VPS13B: variants seen among roughly 807,000 people sequenced by gnomAD.
VPS13B encodes the protein vacuolar protein sorting 13 homolog B, also known as intermembrane lipid transfer protein VPS13B.
Under a neutral mutation model 426.4 loss-of-function variants are expected in VPS13B, and 285 were observed. The observed-to-expected ratio is 0.67, with a 90% confidence interval of 0.61 to 0.74. VPS13B has a LOEUF of 0.74. VPS13B is among the 30% of genes least tolerant of loss of function. The pLI is 0.00. For synonymous variants in VPS13B, 1,676 were observed against 1,676.4 expected, an observed-to-expected ratio of 1.00 and a Z score of 0.01; for missense variants, 4,537 against 4,782.6, an observed-to-expected ratio of 0.95 and a Z score of 1.51.
chr8:99,489,426 C>T (rs1484164785), intron 25 of VPS13B, among the ~76,000 whole-genome samples: 3 of 150,712 alleles, frequency 2.0e-5, no homozygotes, highest in African/African-American at 7.3e-5. Context: ...GTAGTTTTTT[C>T]CAATGCTGTG....
chr8:99,426,254 A>C (rs1481159404), intron 21 of VPS13B, among the ~76,000 whole-genome samples: 3 of 120,546 alleles, frequency 2.5e-5, no homozygotes, highest in Non-Finnish European at 5.1e-5. Flanking sequence ...ATCATTTTTT[A>C]TGGCTGCATA....
intron 12 of VPS13B, among the ~76,000 whole-genome samples, chr8:99,141,144 C>G (rs1232552144): frequency 6.6e-6 from 1 of 152,148 alleles, no homozygotes; most frequent in Non-Finnish European, 1.5e-5. Flanking sequence ...AGAGTCTTGA[C>G]TCTTAATAAG....
chr8:99,050,673 C>G (rs1843493524), intron 3 of VPS13B, among the ~76,000 whole-genome samples: 1 of 152,184 alleles, frequency 6.6e-6, no homozygotes, highest in South Asian at 2.1e-4. Flanking sequence ...GTTCCTGTTT[C>G]TCCACATCCT....
chr8:99,433,554 A>G (rs924135969), intron 22 of VPS13B, among the ~76,000 whole-genome samples: 1 of 152,236 alleles, frequency 6.6e-6, no homozygotes, highest in East Asian at 1.9e-4. Context: ...ATGTTGGCCA[A>G]TAAATACATA....
In VPS13B at chr8:99,839,619, T is replaced by TCTAGTCCTGTTTTTCCTA. The variant is rs1815574598; in HGVS notation, c.9942+3883_9942+3900dup. ...GGAGCCTAAATCTGCTCCCATGTGG[T>TCTAGTCCTGTTTTTCCTA]CTAGTCCTGTTTTTCCTACACCAGG... On this transcript the variant is annotated intron_variant, in intron 54 of 61. Transcript: ENST00000357162. Among the ~76,000 whole-genome samples, 5 of 152,148 alleles carry TCTAGTCCTGTTTTTCCTA rather than the reference T, an allele frequency of 3.3e-5. No homozygotes were observed. The South Asian group carries it at 8.3e-4, about 25-fold the overall frequency.
In VPS13B at chr8:99,819,908, G is replaced by A. The variant is rs374758899; in HGVS notation, c.8793-13G>A. ...TATTTCATTGAGTCTCTTGGATGTGGTTTTTGGAACAGGAATGAACAGCTA... is the reference window on the plus strand; with the variant it reads ...TATTTCATTGAGTCTCTTGGATGTGATTTTTGGAACAGGAATGAACAGCTA... On this transcript the variant is annotated splice_polypyrimidine_tract_variant and intron_variant, in intron 48 of 61. Coordinates refer to ENST00000357162, the MANE Select transcript of VPS13B (RefSeq NM_152564.5). The A allele has an allele frequency of 6.2e-7, 1 of 1,613,756 alleles. No homozygotes were observed. The highest frequency in any genetic ancestry group is 8.5e-7 in the Non-Finnish European group (1 of 1,179,760).
chr8:99,752,753 A>G (rs1810462544), intron 39 of VPS13B, among the ~76,000 whole-genome samples: 1 of 152,226 alleles, frequency 6.6e-6, no homozygotes, highest in African/African-American at 2.4e-5. Context: ...AAGAGTTATT[A>G]AGAACCTATT....
intron 19 of VPS13B, among the ~76,000 whole-genome samples, chr8:99,371,678 C>T (rs1025849036): frequency 2.0e-5 from 3 of 152,110 alleles, no homozygotes; most frequent in African/African-American, 4.8e-5. Context: ...TGGCCATTTT[C>T]GATATTGATT....
At chr8:99,416,218 G>A (rs900553848) in intron 21 of VPS13B, among the ~76,000 whole-genome samples, 2 of 152,134 alleles carry the variant, frequency 1.3e-5, no homozygotes, top group Admixed American at 1.3e-4. Context: ...TACACTGTGT[G>A]GGGAAAATCA....
At chr8:99,148,083 A>C in intron 14 of VPS13B, 73 bp downstream of exon 14, 1 of 1,471,378 alleles carries the variant, frequency 6.8e-7, no homozygotes, top group Non-Finnish European at 9.4e-7. Flanking sequence ...TCATTTACTG[A>C]AAGAATATCT....
At chr8:99,720,238 A>G in intron 37 of VPS13B, 107 bp from the exon 38 acceptor site, 3 of 897,984 alleles carry the variant, frequency 3.3e-6, no homozygotes, top group Admixed American at 2.4e-5. Context: ...AAGTAATTAA[A>G]TTGAACATAA....
chr8:99,835,863 A>G, intron 54 of VPS13B, 125 bp downstream of exon 54: 1 of 964,634 alleles, frequency 1.0e-6, no homozygotes, highest in Non-Finnish European at 1.6e-6. Context: ...GTGAGAGAAC[A>G]TGTGTATCCA....
chr8:99,626,091 A>T (rs1412484186), intron 33 of VPS13B, among the ~76,000 whole-genome samples: 1 of 152,218 alleles, frequency 6.6e-6, no homozygotes, highest in African/African-American at 2.4e-5. Flanking sequence ...CATAGGAGTA[A>T]TTTTTTGTGA....
chr8:99,572,979 T>C (rs1280160151), intron 31 of VPS13B, among the ~76,000 whole-genome samples: 3 of 152,232 alleles, frequency 2.0e-5, no homozygotes, highest in Non-Finnish European at 2.9e-5. Flanking sequence ...TTCCTGACTT[T>C]TTAATGATTG....
At chr8:99,324,358 C>T (rs1185801371) in intron 19 of VPS13B, among the ~76,000 whole-genome samples, 2 of 152,010 alleles carry the variant, frequency 1.3e-5, no homozygotes, top group African/African-American at 2.4e-5. Context: ...TATTTTGATC[C>T]CTCAATCAGA....
intron 23 of VPS13B, among the ~76,000 whole-genome samples, chr8:99,463,886 G>T (rs971459991): frequency 3.3e-5 from 5 of 151,966 alleles, no homozygotes; most frequent in African/African-American, 1.2e-4. Context: ...GTAGAGACAG[G>T]GTTTCTCCAT....
At chr8:99,090,267 CTT>C (rs1205594894) in intron 3 of VPS13B, among the ~76,000 whole-genome samples, 64 of 136,090 alleles carry the variant, frequency 4.7e-4, no homozygotes, top group Admixed American at 1.4e-3. Flanking sequence ...TAATCATAAA[CTT>C]TTTTTTTTTT....
intron 17 of VPS13B, among the ~76,000 whole-genome samples, chr8:99,244,047 A>G (rs1485804850): frequency 6.6e-6 from 1 of 152,222 alleles, no homozygotes; most frequent in East Asian, 1.9e-4. Context: ...GGGCCAGACA[A>G]AAGGGATTTC....
intron 33 of VPS13B, among the ~76,000 whole-genome samples, chr8:99,578,658 A>G (rs546481605): frequency 6.6e-6 from 1 of 152,292 alleles, no homozygotes; most frequent in South Asian, 2.1e-4. Flanking sequence ...ATGTAATTAT[A>G]TGACATCAAA....
Sources: allele counts gnomAD v4.1 joint callset (sites outside exome capture counted in the v4.1 genomes callset), GRCh38; gene constraint gnomAD v4.1.1; transcripts MANE v1.5; gene names NCBI Gene and HGNC (gene_info 2026-07-23, HGNC 2026-07-21).